OCA2: variants seen among roughly 807,000 people sequenced by gnomAD.
OCA2 encodes OCA2 melanosomal transmembrane protein, also known as P protein.
A neutral mutation model predicts 100.2 loss-of-function variants in OCA2; 77 were observed. The observed-to-expected ratio is 0.77, with a 90% confidence interval of 0.64 to 0.93. OCA2 has a LOEUF of 0.93. Among genes scored for constraint, OCA2 ranks in the 40% least tolerant of loss-of-function variants. The pLI is 0.00. For missense variants in OCA2, 1,062 were observed against 1,089.1 expected (o/e 0.98, Z 0.35); for synonymous variants, 432 against 439.2 (o/e 0.98, Z 0.21).
intron 23 of OCA2, among the ~76,000 whole-genome samples, chr15:27,825,427 G>A (rs941289330): frequency 4.6e-5 from 7 of 152,176 alleles, no homozygotes; most frequent in Non-Finnish European, 4.4e-5. Context: ...TAGGCAGGAG[G>A]TCCTGAAAGT....
intron 18 of OCA2, among the ~76,000 whole-genome samples, chr15:27,948,433 G>A (rs909463188): frequency 7.9e-5 from 12 of 152,058 alleles, no homozygotes; most frequent in African/African-American, 2.4e-4. Flanking sequence ...AGAAGTGTCT[G>A]GAGTAGTTTT....
chr15:27,923,402 GT>G (rs1162639148), intron 19 of OCA2, among the ~76,000 whole-genome samples: 1 of 152,122 alleles, frequency 6.6e-6, no homozygotes, highest in Admixed American at 6.5e-5. Context: ...TGGCAATTCA[GT>G]TTTTTAGCTC....
chr15:27,830,140 A>G (rs554771062), intron 23 of OCA2, among the ~76,000 whole-genome samples: 1 of 152,368 alleles, frequency 6.6e-6, no homozygotes, highest in South Asian at 2.1e-4. Flanking sequence ...CCTACCACAG[A>G]GTAAGCTTAT....
chr15:27,958,402 T>C (rs575731555), intron 15 of OCA2, among the ~76,000 whole-genome samples: 24 of 152,318 alleles, frequency 1.6e-4, no homozygotes, highest in African/African-American at 4.8e-4. Flanking sequence ...CTAGTGAAAA[T>C]TGAAAACACA....
At chr15:27,868,268 C>T (rs1288779403) in intron 21 of OCA2, among the ~76,000 whole-genome samples, 1 of 152,186 alleles carries the variant, frequency 6.6e-6, no homozygotes, top group Non-Finnish European at 1.5e-5. Flanking sequence ...CTCCCATTTT[C>T]ACTGTAGCAT....
intron 17 of OCA2, 80 bp downstream of exon 17, chr15:27,955,078 C>T (rs1466250234): frequency 3.0e-5 from 30 of 995,418 alleles, no homozygotes; most frequent in South Asian, 7.6e-5. Context: ...CATTCAGTCA[C>T]GTGAGGGAAG....
intron 19 of OCA2, among the ~76,000 whole-genome samples, chr15:27,892,448 T>C (rs1015811279): frequency 1.3e-5 from 2 of 152,108 alleles, no homozygotes; most frequent in Non-Finnish European, 2.9e-5. Flanking sequence ...ACCAACATAC[T>C]TCTAAATAGT....
chr15:28,054,212 ATGTATG>A (rs1357484074), intron 2 of OCA2, among the ~76,000 whole-genome samples: 1 of 150,122 alleles, frequency 6.7e-6, no homozygotes, highest in Non-Finnish European at 1.5e-5. Flanking sequence ...GTATGTGTGT[ATGTATG>A]TGTATGTGTG....
chr15:28,062,189 T>A (rs1252714283), intron 2 of OCA2, among the ~76,000 whole-genome samples: 1 of 152,242 alleles, frequency 6.6e-6, no homozygotes, highest in Non-Finnish European at 1.5e-5. Flanking sequence ...CCACTGGCAA[T>A]GCATGAGAGT....
intron 23 of OCA2, among the ~76,000 whole-genome samples, chr15:27,759,658 C>T (rs12914131): frequency 0.052 from 7,900 of 150,742 alleles, 297 homozygotes; most frequent in South Asian, 0.13. Flanking sequence ...AATAACTGAG[C>T]TGAAAAATTG....
intron 19 of OCA2, among the ~76,000 whole-genome samples, chr15:27,900,906 C>A (rs955320429): frequency 6.6e-6 from 1 of 152,178 alleles, no homozygotes; most frequent in African/African-American, 2.4e-5. Context: ...TGGATAAAAA[C>A]CACGTATCTG....
intron 2 of OCA2, among the ~76,000 whole-genome samples, chr15:28,037,197 G>C (rs2043070195): frequency 6.6e-6 from 1 of 151,660 alleles, no homozygotes; most frequent in African/African-American, 2.4e-5. Context: ...GCCTGGGAGT[G>C]GGACCAAGAG....
chr15:27,935,785 C>T (rs1186628651), intron 18 of OCA2, among the ~76,000 whole-genome samples: 1 of 152,220 alleles, frequency 6.6e-6, no homozygotes. Context: ...AGAAATGTAA[C>T]TTAATTTTGT....
chr15:28,005,352 G>C (rs547961559), intron 9 of OCA2, among the ~76,000 whole-genome samples: 11 of 152,228 alleles, frequency 7.2e-5, no homozygotes, highest in Non-Finnish European at 1.0e-4. Context: ...CAAAACCGGA[G>C]CACAACACCT....
intron 19 of OCA2, chr15:27,896,032 G>T (rs1401196512): frequency 1.8e-6 from 2 of 1,099,232 alleles, no homozygotes; most frequent in South Asian, 1.2e-5. Context: ...AATAGGTTTG[G>T]CATGGAAAAG....
At chr15:27,797,332 A>T (rs2033386606) in intron 23 of OCA2, among the ~76,000 whole-genome samples, 1 of 152,182 alleles carries the variant, frequency 6.6e-6, no homozygotes, top group Non-Finnish European at 1.5e-5. Context: ...CCCTGGAGGC[A>T]AAGGGGGCTG....
At chr15:28,033,671 G>A (rs903049282) in intron 2 of OCA2, among the ~76,000 whole-genome samples, 1 of 152,194 alleles carries the variant, frequency 6.6e-6, no homozygotes, top group Non-Finnish European at 1.5e-5. Context: ...GCAGGAGAGA[G>A]AATTACAAAG....
At chr15:27,938,792 G>A (rs1233027212) in intron 18 of OCA2, among the ~76,000 whole-genome samples, 1 of 152,162 alleles carries the variant, frequency 6.6e-6, no homozygotes. Context: ...CTCCCGGGAT[G>A]GACTGAGAGA....
intron 23 of OCA2, among the ~76,000 whole-genome samples, chr15:27,801,696 TA>T (rs2033623792): frequency 6.6e-6 from 1 of 152,000 alleles, no homozygotes; most frequent in Admixed American, 6.6e-5. Flanking sequence ...TATATATTTT[TA>T]ATAGACACAT....
Sources: allele counts gnomAD v4.1 joint callset (sites outside exome capture counted in the v4.1 genomes callset), GRCh38; gene constraint gnomAD v4.1.1; transcripts MANE v1.5; gene names NCBI Gene and HGNC (gene_info 2026-07-23, HGNC 2026-07-21).